Variants in UGT1A10 observed in about 807,000 individuals in gnomAD.
UGT1A10 encodes the protein UDP glucuronosyltransferase family 1 member A10.
UGT1A10 carries 49 observed loss-of-function variants against 45.8 expected under a neutral mutation model. That is an observed-to-expected ratio of 1.07 (90% confidence interval 0.85 to 1.36). The LOEUF (loss-of-function observed/expected upper bound fraction) is 1.36. Ranked by LOEUF, UGT1A10 falls within the 40% of genes most tolerant of loss-of-function variation. The probability of loss-of-function intolerance (pLI) is 0.00; values close to 1 mark genes in which losing one functional copy is unlikely to be tolerated. For missense variants in UGT1A10, 745 were observed against 668.6 expected, an observed-to-expected ratio of 1.11 and a Z score of -1.26; for synonymous variants, 284 against 249.7, an observed-to-expected ratio of 1.14 and a Z score of -1.29.
intron 1 of UGT1A10, among the ~76,000 whole-genome samples, chr2:233,640,340 C>G (rs1450189295): frequency 3.3e-5 from 5 of 151,958 alleles, no homozygotes; most frequent in African/African-American, 1.2e-4. Context: ...TTTTGGCTGT[C>G]ATTTTTTTAG....
intron 1 of UGT1A10, among the ~76,000 whole-genome samples, chr2:233,641,031 T>C (rs1444718102): frequency 6.6e-6 from 1 of 152,134 alleles, no homozygotes; most frequent in Middle Eastern, 3.2e-3. Context: ...CCTCAGCTGA[T>C]AGAAAAATGC....
At chr2:233,743,598 G>C in intron 1 of UGT1A10, 1 of 1,367,308 alleles carries the variant, frequency 7.3e-7, no homozygotes, top group Non-Finnish European at 9.8e-7. Flanking sequence ...AATGGGTCCT[G>C]GCCGCCGAAG....
intron 1 of UGT1A10, among the ~76,000 whole-genome samples, chr2:233,738,306 T>C (rs181527860): frequency 9.5e-4 from 144 of 152,344 alleles, no homozygotes; most frequent in Non-Finnish European, 1.5e-3. Context: ...TATGTCTTTA[T>C]AGCAGTGTGT....
At chr2:233,679,895 A>G (rs2074465447) in intron 1 of UGT1A10, among the ~76,000 whole-genome samples, 1 of 152,160 alleles carries the variant, frequency 6.6e-6, no homozygotes, top group African/African-American at 2.4e-5. Flanking sequence ...CACCCACATT[A>G]AAGTTGCATT....
chr2:233,743,245 C>T, intron 1 of UGT1A10: 3 of 429,418 alleles, frequency 7.0e-6, no homozygotes, highest in Admixed American at 3.0e-5. Context: ...AGGACTTTAA[C>T]TCAACTCTCC....
intron 1 of UGT1A10, among the ~76,000 whole-genome samples, chr2:233,678,402 T>C (rs1327060734): frequency 6.6e-6 from 1 of 152,106 alleles, no homozygotes; most frequent in Non-Finnish European, 1.5e-5. Flanking sequence ...GAGGAGTAGA[T>C]GTTGATTTTG....
intron 1 of UGT1A10, among the ~76,000 whole-genome samples, chr2:233,684,262 C>T (rs147889560): frequency 1.5e-3 from 225 of 152,230 alleles, no homozygotes; most frequent in African/African-American, 4.3e-3. Context: ...CAGTTGTAGG[C>T]CTTTCAAATG....
chr2:233,767,688 C>T (rs1214650284), intron 2 of UGT1A10, among the ~76,000 whole-genome samples, 161 bp from the exon 3 acceptor site: 2 of 152,144 alleles, frequency 1.3e-5, no homozygotes, highest in Non-Finnish European at 2.9e-5. Context: ...AACAAGATGC[C>T]GGAAGTTGCC....
intron 1 of UGT1A10, among the ~76,000 whole-genome samples, chr2:233,646,967 A>G (rs1016415030): frequency 6.6e-6 from 1 of 152,196 alleles, no homozygotes; most frequent in Non-Finnish European, 1.5e-5. Flanking sequence ...TTTACAAAAG[A>G]CAGAGGTTTA....
chr2:233,722,246 G>A (rs1029128389), intron 1 of UGT1A10, among the ~76,000 whole-genome samples: 1 of 152,176 alleles, frequency 6.6e-6, no homozygotes, highest in East Asian at 1.9e-4. Context: ...TATTATCTGT[G>A]ACAGACACGC....
At chr2:233,637,706 C>T (rs2073339045) in intron 1 of UGT1A10, among the ~76,000 whole-genome samples, 1 of 152,066 alleles carries the variant, frequency 6.6e-6, no homozygotes, top group African/African-American at 2.4e-5. Context: ...AGTTGAAATG[C>T]TCTTAAGTTT....
intron 1 of UGT1A10, among the ~76,000 whole-genome samples, chr2:233,762,846 A>G (rs1269023335): frequency 6.6e-6 from 1 of 152,164 alleles, no homozygotes; most frequent in Non-Finnish European, 1.5e-5. Flanking sequence ...ATAGGCAGTC[A>G]TTTGCTGATA....
At chr2:233,671,339 G>C (rs901002531) in intron 1 of UGT1A10, among the ~76,000 whole-genome samples, 1 of 152,170 alleles carries the variant, frequency 6.6e-6, no homozygotes. Context: ...ATGGAAGCAG[G>C]GTTGTCAGTC....
At chr2:233,767,759 AG>A in intron 2 of UGT1A10, 89 bp from the exon 3 acceptor site, 5 of 1,604,854 alleles carry the variant, frequency 3.1e-6, no homozygotes, top group Non-Finnish European at 4.3e-6. Flanking sequence ...GTTCCTTCAG[AG>A]GACCCCTGTT....
intron 1 of UGT1A10, among the ~76,000 whole-genome samples, chr2:233,655,431 C>T (rs1431617846): frequency 1.3e-5 from 2 of 152,146 alleles, no homozygotes; most frequent in African/African-American, 2.4e-5. Flanking sequence ...GGAAGCTGGC[C>T]ACATCATTAG....
chr2:233,755,330 C>G (rs1695864854), intron 1 of UGT1A10: 1 of 463,614 alleles, frequency 2.2e-6, no homozygotes, highest in Non-Finnish European at 3.7e-6. Context: ...TGCCAGCACC[C>G]GCGCACAGGT....
chr2:233,684,819 T>G (rs1344738049), intron 1 of UGT1A10, among the ~76,000 whole-genome samples: 1 of 152,164 alleles, frequency 6.6e-6, no homozygotes. Flanking sequence ...CAAAAGTAAA[T>G]TGTCATAGAA....
intron 1 of UGT1A10, chr2:233,718,679 A>C: frequency 6.4e-7 from 1 of 1,568,142 alleles, no homozygotes; most frequent in Non-Finnish European, 8.6e-7. Context: ...ATGGGTAATA[A>C]GTAACTGGAG....
chr2:233,747,886 A>G, intron 1 of UGT1A10: 2 of 1,613,554 alleles, frequency 1.2e-6, no homozygotes, highest in South Asian at 1.1e-5. Flanking sequence ...TACCTTTGCC[A>G]TGCTCTTTCT....
Sources: gnomAD v4.1 joint callset for allele counts (sites outside exome capture counted in the v4.1 genomes callset) on GRCh38, gnomAD v4.1.1 for gene constraint, MANE v1.5 for transcripts, NCBI Gene and HGNC (gene_info 2026-07-23, HGNC 2026-07-21) for gene names.